The following HMCN1 variants were observed in gnomAD, a reference collection of about 807,000 sequenced individuals.
HMCN1 encodes hemicentin-1.
In HMCN1, 321 loss-of-function variants were observed where a neutral mutation model predicts 625.9. The ratio of observed to expected loss-of-function variants is 0.51; its 90% CI spans 0.47 to 0.56. HMCN1 has a LOEUF of 0.56. Among genes scored for constraint, HMCN1 ranks in the 20% least tolerant of loss-of-function variants. The pLI, the probability that HMCN1 is intolerant of heterozygous loss-of-function variation, is 0.00. For synonymous variants in HMCN1, 2,425 were observed against 2,417.6 expected (o/e 1.00, Z -0.09); for missense variants, 6,588 against 6,887.3 (o/e 0.96, Z 1.54).
intron 4 of HMCN1, among the ~76,000 whole-genome samples, chr1:185,877,321 CTTTTTTTTTT>C (rs71557837): frequency 1.3e-3 from 44 of 34,916 alleles, no homozygotes; most frequent in South Asian, 5.7e-3. Context: ...ATGTGTCTTT[CTTTTTTTTTT>C]TTTTTTTTTT....
Position 185,962,552 on chromosome 1 carries a change from G to C in HMCN1, c.1863G>C (p.Gln621His). 6.2e-7 allele frequency: 1 copy of C among 1,613,060 alleles called. No homozygotes were observed. Among genetic ancestry groups the C allele is most frequent in the Non-Finnish European group, 8.5e-7 (1 of 1,179,104 alleles). The part of the protein sequence containing the change: ...PPKVTVMPKN[Q>H]SFTGGSEVSI... ...AAGTCACTGTGATGCCCAAGAATCAGTCTTTCACAGGAGGGTCTGAGGTCT... is the reference window on the plus strand; with the variant it reads ...AAGTCACTGTGATGCCCAAGAATCACTCTTTCACAGGAGGGTCTGAGGTCT... The change falls in exon 12 of 107, where the codon CAG (glutamine) becomes CAC (histidine). Residue 621 changes from glutamine (Q) to histidine (H), a missense_variant. Physicochemically the swap from Gln to His is conservative, Grantham distance 24. Around this residue, in one of 3 missense-constraint regions of HMCN1, gnomAD observed 4,628 missense variants for 4,853.1 expected, o/e 0.95. Transcript: ENST00000271588.
chr1:185,936,691 G>A (rs1667828764), intron 11 of HMCN1, among the ~76,000 whole-genome samples: 1 of 152,198 alleles, frequency 6.6e-6, no homozygotes, highest in Non-Finnish European at 1.5e-5. Flanking sequence ...AACCTGGGAT[G>A]TATGTTTCCC....
At chr1:185,790,514 T>C (rs79722849) in intron 1 of HMCN1, among the ~76,000 whole-genome samples, 7,496 of 152,302 alleles carry the variant, frequency 0.049, 567 homozygotes, top group African/African-American at 0.17. Flanking sequence ...TCTCTGCATA[T>C]GGGCACCTTG....
intron 46 of HMCN1, among the ~76,000 whole-genome samples, chr1:186,060,304 T>G (rs1657603178): frequency 6.6e-6 from 1 of 152,088 alleles, no homozygotes; most frequent in African/African-American, 2.4e-5. Flanking sequence ...ACCATTATAC[T>G]GTTTTTAATT....
At chr1:185,776,800 T>A (rs1321006879) in intron 1 of HMCN1, among the ~76,000 whole-genome samples, 1 of 152,232 alleles carries the variant, frequency 6.6e-6, no homozygotes, top group African/African-American at 2.4e-5. Flanking sequence ...CTGTTTCAGA[T>A]GTTTGTGTTT....
Position 186,076,631 on chromosome 1 carries a change from T to A in HMCN1, c.8485+9T>A, listed in dbSNP as rs748285189. ...AGTATTGATTTTGCCAGGTAAAGAT[T>A]GATACCAACAGGGTGAAAAGCTGAC... On this transcript the variant is annotated intron_variant, in intron 54 of 106. Coordinates refer to ENST00000271588, the MANE Select transcript of HMCN1 (RefSeq NM_031935.3). 1.2e-6 allele frequency: 2 copies of A among 1,610,916 alleles called. No individual in the cohort carries two copies. Among genetic ancestry groups the A allele is most frequent in the Non-Finnish European group, 1.7e-6 (2 of 1,178,706 alleles).
chr1:186,065,056 CAACAT>C (rs1219216611), intron 48 of HMCN1, among the ~76,000 whole-genome samples, 177 bp from the exon 49 acceptor site: 1 of 151,930 alleles, frequency 6.6e-6, no homozygotes, highest in Non-Finnish European at 1.5e-5. Flanking sequence ...TTTTTAAAGT[CAACAT>C]AACCATTATT....
intron 44 of HMCN1, among the ~76,000 whole-genome samples, chr1:186,054,909 T>C (rs1335420479): frequency 4.0e-5 from 6 of 151,868 alleles, no homozygotes; most frequent in Non-Finnish European, 7.4e-5. Context: ...TCTGTGTAGG[T>C]TTTATACACC....
intron 1 of HMCN1, 99 bp from the exon 2 acceptor site, chr1:185,845,927 A>G (rs1661783713): frequency 2.7e-6 from 2 of 749,388 alleles, no homozygotes; most frequent in Admixed American, 3.9e-5. Context: ...ATTAATAAGT[A>G]ACCATGTACT....
intron 1 of HMCN1, among the ~76,000 whole-genome samples, chr1:185,741,267 G>C (rs1041085565): frequency 6.6e-6 from 1 of 152,078 alleles, no homozygotes; most frequent in African/African-American, 2.4e-5. Context: ...ACACTGAATG[G>C]ACTAAGACAA....
At chr1:185,956,713 T>C (rs1649657279) in intron 11 of HMCN1, among the ~76,000 whole-genome samples, 1 of 152,140 alleles carries the variant, frequency 6.6e-6, no homozygotes, top group Admixed American at 6.6e-5. Flanking sequence ...TGCCTTCATC[T>C]CCTCTCCCTT....
intron 1 of HMCN1, among the ~76,000 whole-genome samples, chr1:185,786,850 T>C (rs1286271680): frequency 6.6e-6 from 1 of 152,182 alleles, no homozygotes; most frequent in Non-Finnish European, 1.5e-5. Context: ...TCGTATACTA[T>C]GTGTCACCCC....
At chr1:185,822,528 A>C (rs1303470891) in intron 1 of HMCN1, among the ~76,000 whole-genome samples, 1 of 152,204 alleles carries the variant, frequency 6.6e-6, no homozygotes, top group East Asian at 1.9e-4. Context: ...AATGTAAATT[A>C]AATCAACTCC....
At chr1:185,926,981 C>A (rs185789781) in intron 9 of HMCN1, among the ~76,000 whole-genome samples, 1 of 152,264 alleles carries the variant, frequency 6.6e-6, no homozygotes, top group East Asian at 1.9e-4. Context: ...TGTAACATTT[C>A]ATCATCAAGA....
Position 186,082,933 on chromosome 1 carries a change from CA to C in HMCN1, c.8862del (p.Lys2954AsnfsTer25). Reference protein sequence around the residue: ...CVAENTAGSAKKYFNLNVHVP... With the variant: ...CVAENTAGSAXKYFNLNVHVP... ...TTGCTGAGAACACAGCTGGGAGTGCCAAAAAATATTTTAACCTCAATGTTCA... is the reference window on the plus strand; with the variant it reads ...TTGCTGAGAACACAGCTGGGAGTGCCAAAAATATTTTAACCTCAATGTTCA... On this transcript the variant is annotated frameshift_variant, in exon 57 of 107. Transcript: ENST00000271588. LOFTEE classifies it high-confidence loss of function. The C allele has an allele frequency of 4.4e-6, 7 of 1,592,240 alleles. No homozygotes were observed. The highest frequency in any genetic ancestry group is 1.7e-5 in the Admixed American group (1 of 58,906).
At chr1:185,949,785 G>C (rs1431922249) in intron 11 of HMCN1, among the ~76,000 whole-genome samples, 2 of 151,318 alleles carry the variant, frequency 1.3e-5, no homozygotes, top group South Asian at 2.1e-4. Flanking sequence ...TATCTGACTC[G>C]GCATGTTGAG....
At chr1:185,999,519 T>G (rs577954857) in intron 25 of HMCN1, among the ~76,000 whole-genome samples, 1 of 152,200 alleles carries the variant, frequency 6.6e-6, no homozygotes, top group African/African-American at 2.4e-5. Context: ...CAGAATCAGA[T>G]CTCCAAAAGA....
Position 186,061,922 on chromosome 1 carries a change from G to A in HMCN1, c.7384G>A (p.Ala2462Thr). The change falls in exon 47 of 107, where the codon GCA becomes ACA. Residue 2462 changes from alanine to threonine, a missense_variant. This residue lies in a region of HMCN1 where 4,628 missense variants were observed against 4,853.1 expected (regional missense o/e 0.95). Coordinates refer to ENST00000271588, the MANE Select transcript of HMCN1 (RefSeq NM_031935.3). ...CCAATATACTTGCGTTGTAAGGAAT[G>A]CAGCTGGTGAAGAAAGAAAAATCTT... ...AGQYTCVVRN[A>T]AGEERKIFGL... The A allele has an allele frequency of 6.2e-7, 1 of 1,612,936 alleles. No homozygotes were observed. Among genetic ancestry groups the A allele is most frequent in the South Asian group, 1.1e-5 (1 of 91,042 alleles).
Position 186,000,166 on chromosome 1 carries a change from C to T in HMCN1, c.3996C>T (p.Asp1332=), listed in dbSNP as rs1236712064. 6.2e-7 allele frequency: 1 copy of T among 1,612,642 alleles called. No individual in the cohort carries two copies. Among genetic ancestry groups the T allele is most frequent in the Non-Finnish European group, 8.5e-7 (1 of 1,178,924 alleles). ...TTATTGCTTCTGTTACACCCTATGA[C>T]AATGGGGAGTACATCTGTGTGGCAG... is the stretch of plus-strand genomic sequence containing the variant. ...LLVIASVTPY[D]NGEYICVAVN... Residue 1332 remains aspartate (D), a synonymous_variant, in exon 26 of 107, where the codon GAC becomes GAT. Coordinates refer to ENST00000271588, the MANE Select transcript of HMCN1 (RefSeq NM_031935.3).
Sources: gnomAD v4.1 joint callset for allele counts (sites outside exome capture counted in the v4.1 genomes callset) on GRCh38, gnomAD v4.1.1 for gene constraint, gnomAD v4.1.1 regional missense constraint, MANE v1.5 for transcripts, NCBI Gene and HGNC (gene_info 2026-07-23, HGNC 2026-07-21) for gene names.